SCN3A: variants seen among roughly 807,000 people sequenced by gnomAD.
The protein encoded by SCN3A is sodium voltage-gated channel alpha subunit 3.
A neutral mutation model predicts 187.6 loss-of-function variants in SCN3A; 60 were observed. The ratio of observed to expected loss-of-function variants is 0.32; its 90% CI spans 0.26 to 0.40. The LOEUF is 0.40. SCN3A is among the 10% of genes least tolerant of loss of function. SCN3A has a pLI of 1.00. For synonymous variants in SCN3A, 788 were observed against 829.2 expected (o/e 0.95, Z 0.85); for missense variants, 1,601 against 2,428.2 (o/e 0.66, Z 7.16).
chr2:165,136,324 C>G (rs16850109), intron 15 of SCN3A, among the ~76,000 whole-genome samples: 3,104 of 152,208 alleles, frequency 0.02, 269 homozygotes, highest in Admixed American at 0.16. Flanking sequence ...GGGAAAAATA[C>G]AAGAACTACA....
intron 21 of SCN3A, among the ~76,000 whole-genome samples, chr2:165,104,464 A>C (rs1685753183): frequency 6.6e-6 from 1 of 151,908 alleles, no homozygotes; most frequent in South Asian, 2.1e-4. Context: ...CCTTACACCA[A>C]ATTAAATTTC....
At chr2:165,193,588 AG>A (rs1264181179) in intron 1 of SCN3A, among the ~76,000 whole-genome samples, 3 of 152,098 alleles carry the variant, frequency 2.0e-5, no homozygotes, top group Admixed American at 6.6e-5. Flanking sequence ...CATGTGCTTT[AG>A]GCAGTTTCTT....
In SCN3A at chr2:165,097,464, G is replaced by T; in HGVS notation, c.4027C>A (p.Leu1343Ile). 1 of 1,613,970 alleles carries T rather than the reference G, an allele frequency of 6.2e-7. No homozygotes were observed. The highest frequency in any genetic ancestry group is 8.5e-7 in the Non-Finnish European group (1 of 1,179,980). Residue 1343 changes from leucine to isoleucine, a missense_variant, in exon 23 of 28, where the codon CTC (leucine) becomes ATC (isoleucine). By Grantham distance (5) the Leu-to-Ile change is conservative. Transcript: ENST00000283254. ...PSIMNVLLVC[L>I]IFWLIFSIMG... The stretch of plus-strand genomic sequence containing the variant: ...ATGCTAAAGATCAACCAGAAGATGA[G>T]ACAGACCAACAGCACATTCATGATA...
rs573953234 is a variant in SCN3A, at chr2:165,091,887, G to T, written c.4807+367C>A. 46 of 337,392 alleles carry T rather than the reference G, an allele frequency of 1.4e-4. 1 individual carries two copies. The East Asian group carries it at 3.0e-3, about 22-fold the overall frequency. 20.9% of individuals were successfully genotyped at this position (337,392 alleles called of 1,614,324 possible). A position where few individuals can be genotyped will look rare whatever the true frequency, so the allele number is the denominator to read the frequency against. On this transcript the variant is annotated intron_variant, in intron 27 of 27. Transcript: ENST00000283254. Reference sequence around the variant, plus strand: ...AAGCCTGTGTTAACTCATTCCAGCAGAGATGGCTACTTCCTCTTCAGTGCT... The same window carrying T: ...AAGCCTGTGTTAACTCATTCCAGCATAGATGGCTACTTCCTCTTCAGTGCT...
intron 17 of SCN3A, 72 bp from the exon 18 acceptor site, chr2:165,128,173 C>G: frequency 8.5e-7 from 1 of 1,170,520 alleles, no homozygotes. Flanking sequence ...AAAAAGGGAA[C>G]TCATAGATCT....
Position 165,140,583 on chromosome 2 carries a change from A to G in SCN3A, c.2019+68T>C. The G allele has an allele frequency of 7.1e-7, 1 of 1,411,126 alleles. No homozygotes were observed. Among genetic ancestry groups the G allele is most frequent in the Non-Finnish European group, 1.0e-6 (1 of 996,376 alleles). The allele number at this position is 1,411,126 out of a possible 1,614,324, so 87.4% of individuals were successfully genotyped here. ...GAAGCAGGACGGTATGACAGCCTAA[A>G]CTGTCCAGGCTTTGATTATTTCAAA... On this transcript the variant is annotated intron_variant, in intron 13 of 27. Transcript: ENST00000283254. The surrounding 1 kb of genome is among the most constrained non-coding windows in gnomAD (Gnocchi z 4.2).
intron 18 of SCN3A, among the ~76,000 whole-genome samples, chr2:165,118,047 C>T (rs1322638454): frequency 6.6e-6 from 1 of 152,170 alleles, no homozygotes; most frequent in Non-Finnish European, 1.5e-5. Flanking sequence ...CGGAATCAAT[C>T]GTTTACACAT....
chr2:165,094,726 A>G (rs1190867531), intron 25 of SCN3A, among the ~76,000 whole-genome samples: 2 of 152,176 alleles, frequency 1.3e-5, no homozygotes, highest in Admixed American at 6.6e-5. Context: ...AAGTAGGCAC[A>G]AGGGTCTCAA....
At chr2:165,107,509 A>G (rs1040601648) in intron 21 of SCN3A, among the ~76,000 whole-genome samples, 1 of 152,230 alleles carries the variant, frequency 6.6e-6, no homozygotes, top group African/African-American at 2.4e-5. Context: ...CTTTACCCCA[A>G]AGCTCTTTTA....
At chr2:165,156,744 G>A (rs1689072327) in intron 9 of SCN3A, among the ~76,000 whole-genome samples, 1 of 151,956 alleles carries the variant, frequency 6.6e-6, no homozygotes, top group Non-Finnish European at 1.5e-5. Context: ...ATTGAGATGG[G>A]ATCTTGCTAC....
rs554832918 is a variant in SCN3A, at chr2:165,147,111, G to A, written c.1381-82C>T. On this transcript the variant is annotated intron_variant, in intron 11 of 27. Coordinates refer to ENST00000283254, the MANE Select transcript of SCN3A (RefSeq NM_006922.4). ...GTATGGTTAAAATATTGCCATTTAA[G>A]ACTCATTAACTACAAGTGAAAAGTC... The A allele has an allele frequency of 6.1e-4, 919 of 1,511,518 alleles. 1 individual carries two copies. The African/African-American group carries it at 7.2e-3, about 12-fold the overall frequency. The allele number at this position is 1,511,518 out of a possible 1,614,324, so 93.6% of individuals were successfully genotyped here.
intron 1 of SCN3A, among the ~76,000 whole-genome samples, chr2:165,191,079 C>A (rs1261059003): frequency 8.4e-5 from 6 of 71,350 alleles, no homozygotes; most frequent in African/African-American, 1.5e-4. Context: ...TTTTTTTTTT[C>A]AGGTTAGAAA....
intron 12 of SCN3A, among the ~76,000 whole-genome samples, chr2:165,141,799 T>C (rs1688028063): frequency 1.3e-5 from 2 of 152,340 alleles, no homozygotes; most frequent in South Asian, 4.1e-4. Context: ...ACATATAACA[T>C]GACTTCACCA....
rs369117766 is a variant in SCN3A, at chr2:165,176,425, G to A, written c.-31C>T. On this transcript the variant is annotated 5_prime_UTR_variant, in exon 3 of 28. Coordinates refer to ENST00000283254, the MANE Select transcript of SCN3A (RefSeq NM_006922.4). ...CATCCTGCACATTTAATTACGTGTA[G>A]CTTCTTGCATACGAATTACCTGCAA... The A allele has an allele frequency of 1.9e-6, 3 of 1,613,622 alleles. No homozygotes were observed. Among genetic ancestry groups the A allele is most frequent in the Non-Finnish European group, 2.5e-6 (3 of 1,179,838 alleles).
chr2:165,141,122 G>T, intron 12 of SCN3A, 124 bp from the exon 13 acceptor site: 1 of 639,792 alleles, frequency 1.6e-6, no homozygotes, highest in Non-Finnish European at 2.7e-6. Context: ...TCTTAAACAT[G>T]GATAATCAAA....
chr2:165,160,322 G>A (rs1490904972), intron 9 of SCN3A, among the ~76,000 whole-genome samples: 2 of 152,060 alleles, frequency 1.3e-5, no homozygotes, highest in Non-Finnish European at 2.9e-5. Context: ...TATAAATAAT[G>A]TACACAATAA....
intron 9 of SCN3A, among the ~76,000 whole-genome samples, chr2:165,159,151 G>C (rs1419112334): frequency 7.3e-6 from 1 of 137,842 alleles, no homozygotes; most frequent in African/African-American, 2.9e-5. Flanking sequence ...GATGTGCAGT[G>C]GTAACTCCTT....
At chr2:165,198,492 A>G (rs140066634) in intron 1 of SCN3A, among the ~76,000 whole-genome samples, 1 of 152,194 alleles carries the variant, frequency 6.6e-6, no homozygotes, top group African/African-American at 2.4e-5. Context: ...TATTGAATCT[A>G]TCTGGTATTA....
intron 23 of SCN3A, among the ~76,000 whole-genome samples, 185 bp from the exon 24 acceptor site, chr2:165,096,705 C>T (rs1559180050): frequency 6.6e-6 from 1 of 151,700 alleles, no homozygotes; most frequent in African/African-American, 2.4e-5. Context: ...AACTTGTTTC[C>T]TTTTTTTTCT....
Sources: allele counts gnomAD v4.1 joint callset (sites outside exome capture counted in the v4.1 genomes callset), GRCh38; gene constraint gnomAD v4.1.1; non-coding constraint Gnocchi (gnomAD v3.1); transcripts MANE v1.5; gene names NCBI Gene and HGNC (gene_info 2026-07-23, HGNC 2026-07-21).